HCK: variants seen among roughly 807,000 people sequenced by gnomAD.
HCK encodes the protein HCK proto-oncogene, Src family tyrosine kinase.
A neutral mutation model predicts 70.4 loss-of-function variants in HCK; 40 were observed. The ratio of observed to expected loss-of-function variants is 0.57; its 90% confidence interval spans 0.44 to 0.74. HCK has a LOEUF of 0.74. HCK is among the 30% of genes least tolerant of loss of function. The pLI is 0.00. For synonymous variants in HCK, 245 were observed against 263.2 expected (o/e 0.93, Z 0.67); for missense variants, 568 against 697.2 (o/e 0.81, Z 2.09).
chr20:32,095,380 T>C (rs566904915), intron 11 of HCK, among the ~76,000 whole-genome samples: 1 of 152,196 alleles, frequency 6.6e-6, no homozygotes, highest in East Asian at 1.9e-4. Flanking sequence ...CTCAGCCTTC[T>C]GAGTAGCTGG....
rs537984693 is a variant in HCK, at chr20:32,056,485, T to C, written c.62+3999T>C. Among the ~76,000 whole-genome samples, 10 of 151,648 alleles carry C rather than the reference T, an allele frequency of 6.6e-5. 1 individual carries two copies. In the East Asian group the frequency reaches 1.4e-3, roughly 21 times the overall value. ...GAGCCGAGATCGAGCCACTGCACTCTAGCCTGGGCGACAGAGCGAGACTCC... is the reference window on the plus strand; with the variant it reads ...GAGCCGAGATCGAGCCACTGCACTCCAGCCTGGGCGACAGAGCGAGACTCC... On this transcript the variant is annotated intron_variant, in intron 1 of 12. Transcript: ENST00000375852.
chr20:32,090,891 G>A (rs1266750517), intron 10 of HCK, among the ~76,000 whole-genome samples: 3 of 152,124 alleles, frequency 2.0e-5, no homozygotes, highest in African/African-American at 4.8e-5. Flanking sequence ...TAACCTCTCT[G>A]AGTGCCACTT....
At chr20:32,093,380 C>T (rs755625300) in intron 10 of HCK, among the ~76,000 whole-genome samples, 6 of 152,140 alleles carry the variant, frequency 3.9e-5, no homozygotes, top group Non-Finnish European at 7.3e-5. Context: ...TTTCCCTACC[C>T]AGGCTGGGGC....
intron 11 of HCK, among the ~76,000 whole-genome samples, chr20:32,094,760 A>AGAGAGAAAGAAG (rs2045919092): frequency 7.8e-6 from 1 of 127,828 alleles, no homozygotes; most frequent in African/African-American, 3.0e-5. Context: ...AAAGAAAGAA[A>AGAGAGAAAGAAG]GAAGGAAAGA....
At chr20:32,099,793 C>A (rs941157611) in intron 12 of HCK, among the ~76,000 whole-genome samples, 1 of 152,180 alleles carries the variant, frequency 6.6e-6, no homozygotes, top group Non-Finnish European at 1.5e-5. Flanking sequence ...GGTGCAGCGG[C>A]ATCCTCATCA....
chr20:32,075,618 T>C (rs149562095), intron 5 of HCK, among the ~76,000 whole-genome samples: 120 of 152,328 alleles, frequency 7.9e-4, no homozygotes, highest in Middle Eastern at 3.4e-3. Flanking sequence ...GAGCTCTCCA[T>C]AACCCATCGT....
At chr20:32,096,071 G>C (rs1306486934) in intron 11 of HCK, among the ~76,000 whole-genome samples, 5 of 151,472 alleles carry the variant, frequency 3.3e-5, no homozygotes, top group Non-Finnish European at 7.4e-5. Context: ...TGTATTTTTA[G>C]TAGAGACAGG....
chr20:32,088,895 G>A (rs187962706), intron 10 of HCK, among the ~76,000 whole-genome samples: 1 of 152,282 alleles, frequency 6.6e-6, no homozygotes, highest in African/African-American at 2.4e-5. Flanking sequence ...CCAAGTCCTA[G>A]TAGCTTGAAA....
chr20:32,083,560 TCAGCTTCCAAGTAGTTTA>T (rs2045736225), intron 6 of HCK, among the ~76,000 whole-genome samples: 1 of 152,348 alleles, frequency 6.6e-6, no homozygotes, highest in East Asian at 1.9e-4. Flanking sequence ...TGCAGAGTGT[TCAGCTTCCAAGTAGTTTA>T]CAGGCATTAC....
In HCK at chr20:32,068,398, T is replaced by A. The variant is rs561370489; in HGVS notation, c.63-3264T>A. 1.1e-3 allele frequency among the ~76,000 whole-genome samples: 160 copies of A among 150,248 alleles called. 2 individuals are homozygous for A. The highest frequency in any genetic ancestry group is 4.7e-3 in the Admixed American group (71 of 15,204). On this transcript the variant is annotated intron_variant, in intron 1 of 12. Transcript: ENST00000375852. ...AAGTAAAATGAAAATAATTTTTTTT[T>A]AAAAAAGGAAAAAATAAAATAAAAT...
intron 8 of HCK, among the ~76,000 whole-genome samples, chr20:32,085,065 A>G (rs951476558): frequency 2.0e-5 from 3 of 152,246 alleles, no homozygotes; most frequent in Non-Finnish European, 4.4e-5. Context: ...GGGTAGATGC[A>G]GTGCCAGCCC....
rs766560741 is a variant in HCK at position 32,071,777 on chromosome 20, A to C, written c.178A>C (p.Lys60Gln). The C allele has an allele frequency of 6.2e-7, 1 of 1,613,622 alleles. No individual in the cohort carries two copies. Among genetic ancestry groups the C allele is most frequent in the South Asian group, 1.1e-5 (1 of 91,032 alleles). ...CGTGCCGGATCCCACATCCACCATCAAGCCGGTGAGTAGGGGAGGTCCCAG... is the reference window on the plus strand; with the variant it reads ...CGTGCCGGATCCCACATCCACCATCCAGCCGGTGAGTAGGGGAGGTCCCAG... Residue 60 changes from lysine to glutamine, a missense_variant, in exon 2 of 13, where the codon AAG (lysine) becomes CAG (glutamine). Lys to Gln is a moderately conservative substitution (Grantham distance 53). Transcript: ENST00000375852.
rs565538838 is a variant in HCK at position 32,081,353 on chromosome 20, C to T, written c.532+1476C>T. ...TGGCAAGAACAGGCCTGGAAAACAT[C>T]GCGTAGCTCAAACTGGCATCGATTG... On this transcript the variant is annotated intron_variant, in intron 6 of 12. Coordinates refer to ENST00000375852, the MANE Select transcript of HCK (RefSeq NM_002110.5). Among the ~76,000 whole-genome samples, 19 of 152,260 alleles carry T rather than the reference C, an allele frequency of 1.2e-4. No individual in the cohort carries two copies. The South Asian group carries it at 3.5e-3, about 28-fold the overall frequency.
chr20:32,063,383 G>A (rs914945019), intron 1 of HCK, among the ~76,000 whole-genome samples: 2 of 152,132 alleles, frequency 1.3e-5, no homozygotes, highest in African/African-American at 4.8e-5. Flanking sequence ...CTCCCAAGTA[G>A]CTGGGAATAC....
chr20:32,068,763 C>T (rs1163120345), intron 1 of HCK, among the ~76,000 whole-genome samples: 5 of 151,578 alleles, frequency 3.3e-5, no homozygotes, highest in Non-Finnish European at 1.5e-5. Context: ...CCTCTCTGCC[C>T]CCTGTCTCTA....
rs73906736 is a variant in HCK, at chr20:32,099,162, T to A, written c.1378+27T>A. On this transcript the variant is annotated intron_variant, in intron 12 of 12. Coordinates refer to ENST00000375852, the MANE Select transcript of HCK (RefSeq NM_002110.5). ...TAGGGAAGGGGCATCAGCTCAGGGC[T>A]GCTACCAGGGCCCAGTCTGGCAATG... is the stretch of plus-strand genomic sequence containing the variant. 2.1e-3 allele frequency: 3,329 copies of A among 1,608,952 alleles called. 61 individuals are homozygous for A. In the African/African-American group the frequency reaches 0.039, roughly 19 times the overall value.
chr20:32,085,883 G>T (rs953856167), intron 8 of HCK, among the ~76,000 whole-genome samples: 1 of 152,198 alleles, frequency 6.6e-6, no homozygotes, highest in African/African-American at 2.4e-5. Context: ...GGTGGACGAG[G>T]CTGGGTCATG....
chr20:32,059,124 A>G (rs973293408), intron 1 of HCK, among the ~76,000 whole-genome samples: 6 of 152,212 alleles, frequency 3.9e-5, no homozygotes, highest in Admixed American at 6.5e-5. Context: ...CAGGGCACTG[A>G]CAGCCTCTGC....
intron 1 of HCK, among the ~76,000 whole-genome samples, chr20:32,064,593 T>C (rs2045429757): frequency 6.6e-6 from 1 of 152,224 alleles, no homozygotes; most frequent in African/African-American, 2.4e-5. Context: ...AATGAGCTTA[T>C]AGCAGAGATG....
Sources: gnomAD v4.1 joint callset for allele counts (sites outside exome capture counted in the v4.1 genomes callset) on GRCh38, gnomAD v4.1.1 for gene constraint, MANE v1.5 for transcripts, NCBI Gene and HGNC (gene_info 2026-07-23, HGNC 2026-07-21) for gene names.